SLMAP: variants seen among roughly 807,000 people sequenced by gnomAD.
The protein encoded by SLMAP is sarcolemma associated protein.
SLMAP carries 44 observed loss-of-function variants against 128.8 expected under a neutral mutation model. That is an observed-to-expected ratio of 0.34 (90% CI 0.27 to 0.44). The LOEUF is 0.44. Ranked by LOEUF, SLMAP falls within the 20% of genes least tolerant of loss-of-function variation. SLMAP has a pLI of 1.00. For missense variants in SLMAP, 787 were observed against 985.3 expected (o/e 0.80, Z 2.69); for synonymous variants, 327 against 348.8 (o/e 0.94, Z 0.70).
rs188709191 is a variant in SLMAP, at chr3:57,840,586, T to C, written c.347-713T>C. 2.6e-5 allele frequency among the ~76,000 whole-genome samples: 4 copies of C among 152,336 alleles called. No homozygotes were observed. The East Asian group carries it at 5.8e-4, about 22-fold the overall frequency. On this transcript the variant is annotated intron_variant, in intron 3 of 24. Coordinates refer to ENST00000671191, the MANE Select transcript of SLMAP (RefSeq NM_001377540.1). ...GTACAAGTGCTACTTTCAGGAGTTT[T>C]GTCTCTTAAAATCTTCAATAGGAAA...
At chr3:57,812,092 T>C (rs970130705) in intron 2 of SLMAP, among the ~76,000 whole-genome samples, 3 of 152,224 alleles carry the variant, frequency 2.0e-5, no homozygotes, top group African/African-American at 7.2e-5. Context: ...AAGTCCCCTT[T>C]GTCTTTTCTA....
chr3:57,906,310 CTTTTTTTTT>C (rs999042505), intron 17 of SLMAP, among the ~76,000 whole-genome samples: 8 of 47,030 alleles, frequency 1.7e-4, no homozygotes, highest in East Asian at 2.0e-3. Context: ...CTTTTTTTTT[CTTTTTTTTT>C]TTTTTTTTTT....
At chr3:57,912,958 C>G (rs903475706) in intron 20 of SLMAP, among the ~76,000 whole-genome samples, 200 bp from the exon 21 acceptor site, 1 of 151,944 alleles carries the variant, frequency 6.6e-6, no homozygotes, top group Non-Finnish European at 1.5e-5. Context: ...GAAAAAAATA[C>G]TATTGTTCAA....
At chr3:57,859,384 G>GT (rs2094944641) in intron 8 of SLMAP, among the ~76,000 whole-genome samples, 1 of 150,872 alleles carries the variant, frequency 6.6e-6, no homozygotes, top group Non-Finnish European at 1.5e-5. Context: ...GCAAAACCCA[G>GT]TATCTACCAA....
At chr3:57,828,726 G>A (rs1480395721) in intron 2 of SLMAP, among the ~76,000 whole-genome samples, 2 of 152,146 alleles carry the variant, frequency 1.3e-5, no homozygotes, top group African/African-American at 4.8e-5. Flanking sequence ...GGTATGCTTT[G>A]GACGGTAATA....
chr3:57,836,230 G>A (rs759416410), intron 3 of SLMAP, among the ~76,000 whole-genome samples: 1 of 151,868 alleles, frequency 6.6e-6, no homozygotes. Context: ...GAGGGAAGAA[G>A]GAATAGAGGA....
At chr3:57,771,908 G>A (rs937912230) in intron 2 of SLMAP, among the ~76,000 whole-genome samples, 20 of 152,154 alleles carry the variant, frequency 1.3e-4, no homozygotes, top group South Asian at 4.1e-4. Flanking sequence ...CTTAAGATCC[G>A]CCTTACTTGA....
At chr3:57,865,570 ACT>A (rs759000745) in intron 13 of SLMAP, among the ~76,000 whole-genome samples, 3 of 151,792 alleles carry the variant, frequency 2.0e-5, no homozygotes, top group Non-Finnish European at 4.4e-5. Flanking sequence ...CTTTTTCCCC[ACT>A]CTGTTTTTCG....
chr3:57,770,041 A>C (rs2080513684), intron 2 of SLMAP, among the ~76,000 whole-genome samples: 1 of 152,196 alleles, frequency 6.6e-6, no homozygotes, highest in African/African-American at 2.4e-5. Flanking sequence ...GAAGCAGTAA[A>C]GTATTGTTAG....
At chr3:57,892,820 A>C (rs2096122352) in intron 15 of SLMAP, among the ~76,000 whole-genome samples, 1 of 141,954 alleles carries the variant, frequency 7.0e-6, no homozygotes, top group South Asian at 2.2e-4. Flanking sequence ...ATACACACAC[A>C]AACTTGCTTT....
intron 2 of SLMAP, among the ~76,000 whole-genome samples, chr3:57,767,900 C>T (rs971168280): frequency 1.1e-4 from 16 of 152,088 alleles, no homozygotes; most frequent in Non-Finnish European, 1.9e-4. Flanking sequence ...GATGTATAAC[C>T]GAAACTTGTC....
intron 14 of SLMAP, among the ~76,000 whole-genome samples, chr3:57,873,839 G>A (rs2095541387): frequency 6.6e-6 from 1 of 152,074 alleles, no homozygotes; most frequent in Non-Finnish European, 1.5e-5. Context: ...ATCCAGGAGA[G>A]GCTGGGAGCT....
At chr3:57,809,967 C>T (rs1032670144) in intron 2 of SLMAP, among the ~76,000 whole-genome samples, 2 of 152,174 alleles carry the variant, frequency 1.3e-5, no homozygotes, top group African/African-American at 4.8e-5. Flanking sequence ...ACAAACAGGG[C>T]TGAAACATAC....
intron 21 of SLMAP, among the ~76,000 whole-genome samples, chr3:57,915,608 A>G (rs2096793970): frequency 1.3e-5 from 2 of 152,222 alleles, no homozygotes; most frequent in Non-Finnish European, 2.9e-5. Context: ...CAGACTCTGT[A>G]GTAGTTCAAT....
chr3:57,865,812 G>A (rs957768383), intron 13 of SLMAP, among the ~76,000 whole-genome samples: 17 of 152,084 alleles, frequency 1.1e-4, no homozygotes, highest in African/African-American at 3.4e-4. Flanking sequence ...TCTGGACAGC[G>A]TGGGTTCTCT....
intron 2 of SLMAP, among the ~76,000 whole-genome samples, chr3:57,810,418 C>T (rs2090754522): frequency 6.6e-6 from 1 of 152,152 alleles, no homozygotes; most frequent in South Asian, 2.1e-4. Flanking sequence ...GCAAGGGCAC[C>T]ACCAGCCACA....
chr3:57,865,838 T>C (rs1008095985), intron 13 of SLMAP, among the ~76,000 whole-genome samples: 3 of 152,180 alleles, frequency 2.0e-5, no homozygotes, highest in Admixed American at 6.5e-5. Flanking sequence ...CAAAAACATA[T>C]AGCCACTATT....
At chr3:57,927,260 G>A in intron 24 of SLMAP, 36 bp from the exon 25 acceptor site, 1 of 1,384,918 alleles carries the variant, frequency 7.2e-7, no homozygotes. Context: ...AGAGAGGGGA[G>A]AATGTGATAT....
At chr3:57,790,127 A>G (rs1374305175) in intron 2 of SLMAP, among the ~76,000 whole-genome samples, 1 of 152,204 alleles carries the variant, frequency 6.6e-6, no homozygotes, top group Non-Finnish European at 1.5e-5. Context: ...ATGAGCCACC[A>G]TGCCCAGCCA....
Sources: gnomAD v4.1 joint callset for allele counts (sites outside exome capture counted in the v4.1 genomes callset) on GRCh38, gnomAD v4.1.1 for gene constraint, MANE v1.5 for transcripts, NCBI Gene and HGNC (gene_info 2026-07-23, HGNC 2026-07-21) for gene names.